The following LINGO2 variants were observed in gnomAD, a reference collection of about 807,000 sequenced individuals.
LINGO2 encodes the protein leucine-rich repeat and immunoglobulin-like domain-containing nogo receptor-interacting protein 2.
In LINGO2, 14 loss-of-function variants were observed where a neutral mutation model predicts 30.6. The observed-to-expected ratio is 0.46, with a 90% CI of 0.30 to 0.72. LINGO2 has a LOEUF of 0.72. LINGO2 is among the 30% of genes least tolerant of loss of function. The pLI, the probability that LINGO2 is intolerant of heterozygous loss-of-function variation, is 0.07. For synonymous variants in LINGO2, 317 were observed against 288.5 expected, an observed-to-expected ratio of 1.10 and a Z score of -1.00; for missense variants, 729 against 751.7, an observed-to-expected ratio of 0.97 and a Z score of 0.35.
intron 4 of LINGO2, among the ~76,000 whole-genome samples, chr9:28,055,960 C>T (rs559271515): frequency 1.9e-4 from 29 of 152,244 alleles, no homozygotes; most frequent in African/African-American, 6.7e-4. Context: ...ATCATTACAA[C>T]AGTTACTATT....
At chr9:29,196,804 G>A in the LINGO2 span, among the ~76,000 whole-genome samples, 1 of 151,972 alleles carries the variant, frequency 6.6e-6, no homozygotes, top group East Asian at 1.9e-4. Context: ...GGTATTCTGG[G>A]CTGGGGCTGA....
chr9:28,064,014 T>TA (rs1209851132), intron 4 of LINGO2, among the ~76,000 whole-genome samples: 3 of 151,838 alleles, frequency 2.0e-5, no homozygotes, highest in Non-Finnish European at 2.9e-5. Flanking sequence ...TGTTGCAAAA[T>TA]AAAAAATAGC....
chr9:27,976,923 AT>A (rs960320817), intron 5 of LINGO2, among the ~76,000 whole-genome samples: 9 of 151,340 alleles, frequency 5.9e-5, no homozygotes, highest in East Asian at 3.9e-4. Flanking sequence ...CTTTCTGTGT[AT>A]TTTTTTTTAA....
At chr9:28,407,658 T>C (rs888692816) in intron 2 of LINGO2, among the ~76,000 whole-genome samples, 3 of 152,132 alleles carry the variant, frequency 2.0e-5, no homozygotes, top group Admixed American at 6.6e-5. Flanking sequence ...AAGTATGAAA[T>C]GACGCATGCT....
intron 2 of LINGO2, among the ~76,000 whole-genome samples, chr9:28,419,677 TA>T (rs535160518): frequency 6.6e-6 from 1 of 151,798 alleles, no homozygotes; most frequent in South Asian, 2.1e-4. Flanking sequence ...CAGCCAAAAA[TA>T]AAAAAATCAG....
intron 4 of LINGO2, among the ~76,000 whole-genome samples, chr9:28,084,984 A>T (rs1825870337): frequency 6.6e-6 from 1 of 152,088 alleles, no homozygotes; most frequent in Non-Finnish European, 1.5e-5. Context: ...TATATAAGGT[A>T]CTCTATGAGC....
chr9:29,200,595 T>G, the LINGO2 span, among the ~76,000 whole-genome samples: 2 of 152,136 alleles, frequency 1.3e-5, no homozygotes, highest in Non-Finnish European at 2.9e-5. Flanking sequence ...CAAAGAGTTC[T>G]TATCTACGTT....
chr9:28,640,724 C>T (rs755679192), intron 1 of LINGO2, among the ~76,000 whole-genome samples: 4 of 151,900 alleles, frequency 2.6e-5, no homozygotes, highest in Non-Finnish European at 4.4e-5. Flanking sequence ...GTTAGCGATT[C>T]GTCTAATCTT....
chr9:29,044,087 C>T, the LINGO2 span, among the ~76,000 whole-genome samples: 1 of 151,994 alleles, frequency 6.6e-6, no homozygotes, highest in Non-Finnish European at 1.5e-5. Flanking sequence ...TAATAGCTGA[C>T]TTCAAAGTTC....
chr9:28,791,259 C>A, the LINGO2 span, among the ~76,000 whole-genome samples: 3 of 151,948 alleles, frequency 2.0e-5, no homozygotes, highest in African/African-American at 7.2e-5. Flanking sequence ...TGAGAGTATT[C>A]TTTATCTTAA....
At chr9:28,455,509 T>C (rs1192839640) in intron 2 of LINGO2, among the ~76,000 whole-genome samples, 1 of 152,026 alleles carries the variant, frequency 6.6e-6, no homozygotes, top group Non-Finnish European at 1.5e-5. Flanking sequence ...ATAATAAACA[T>C]AGAACGTACA....
the LINGO2 span, among the ~76,000 whole-genome samples, chr9:29,050,992 T>C: frequency 6.6e-6 from 1 of 152,154 alleles, no homozygotes; most frequent in Admixed American, 6.5e-5. Flanking sequence ...TAAATGTGTT[T>C]TTTAAAATAT....
intron 4 of LINGO2, among the ~76,000 whole-genome samples, chr9:28,101,141 T>C (rs1826404348): frequency 6.6e-6 from 1 of 152,092 alleles, no homozygotes; most frequent in Non-Finnish European, 1.5e-5. Flanking sequence ...AAACTAAAGC[T>C]ATGAGACAAA....
At chr9:28,853,575 G>T in the LINGO2 span, among the ~76,000 whole-genome samples, 1 of 151,946 alleles carries the variant, frequency 6.6e-6, no homozygotes, top group Non-Finnish European at 1.5e-5. Flanking sequence ...CCCAAACGGG[G>T]TAATTTATAA....
the LINGO2 span, among the ~76,000 whole-genome samples, chr9:28,929,603 A>T: frequency 6.6e-6 from 1 of 152,158 alleles, no homozygotes; most frequent in African/African-American, 2.4e-5. Flanking sequence ...AGCTATACAA[A>T]GGAAACCATA....
At chr9:28,832,353 C>G in the LINGO2 span, among the ~76,000 whole-genome samples, 3 of 152,116 alleles carry the variant, frequency 2.0e-5, no homozygotes, top group African/African-American at 7.2e-5. Flanking sequence ...TTACAAATAC[C>G]TCATACCACG....
At chr9:29,124,987 A>G in the LINGO2 span, among the ~76,000 whole-genome samples, 4 of 152,192 alleles carry the variant, frequency 2.6e-5, no homozygotes, top group African/African-American at 9.7e-5. Context: ...CAGTATGTAC[A>G]ATAGCAAAGA....
intron 2 of LINGO2, among the ~76,000 whole-genome samples, chr9:28,441,550 G>A (rs747822703): frequency 5.3e-5 from 8 of 151,964 alleles, no homozygotes; most frequent in Non-Finnish European, 1.0e-4. Context: ...GGTGGCCAGG[G>A]TGGAACATCC....
At position 28,130,099 on chromosome 9, in the gene LINGO2, G is replaced by A. The variant is rs1827342460; in HGVS notation, c.-86-117694C>T. 6.6e-6 allele frequency among the ~76,000 whole-genome samples: 1 copy of A among 152,198 alleles called. No homozygotes were observed. The highest frequency in any genetic ancestry group is 2.4e-5 in the African/African-American group (1 of 41,452). ...ATTGATCTTCAGGTAAACTCTTGGG[G>A]ATTTTGTCAATTCTGACATTGATTC... On this transcript the variant is annotated intron_variant, in intron 4 of 5. Coordinates refer to ENST00000379992, the Ensembl canonical transcript of LINGO2. The surrounding 1 kb of genome is among the most constrained non-coding windows in gnomAD (Gnocchi z 5.2).
Sources: gnomAD v4.1 joint callset for allele counts (sites outside exome capture counted in the v4.1 genomes callset) on GRCh38, gnomAD v4.1.1 for gene constraint, Gnocchi (gnomAD v3.1) non-coding constraint, MANE v1.5 for transcripts, NCBI Gene and HGNC (gene_info 2026-07-23, HGNC 2026-07-21) for gene names.